Variants in TRAF3 observed in about 807,000 individuals in gnomAD.
TRAF3 encodes the protein TNF receptor-associated factor 3.
Under a neutral mutation model 62.3 loss-of-function variants are expected in TRAF3, and 13 were observed. The ratio of observed to expected loss-of-function variants is 0.21; its 90% CI spans 0.14 to 0.33. The LOEUF is 0.33. TRAF3 is among the 10% of genes least tolerant of loss of function. The pLI is 1.00. For missense variants in TRAF3, 440 were observed against 741.8 expected (o/e 0.59, Z 4.73); for synonymous variants, 269 against 283.4 (o/e 0.95, Z 0.51).
chr14:102,858,814 T>A lies in TRAF3; in HGVS notation c.-17-11371T>A, dbSNP rs1490492382. On this transcript the variant is annotated intron_variant, in intron 2 of 11. Transcript: ENST00000392745. The stretch of plus-strand genomic sequence containing the variant: ...CCATTTCATATTTGACAGTGCTTCC[T>A]GTATGATTTTTATACCAAATAAGCC... Among the ~76,000 whole-genome samples, 2 of 152,248 alleles carry A rather than the reference T, an allele frequency of 1.3e-5. 1 individual carries two copies. Among genetic ancestry groups the A allele is most frequent in the East Asian group, 3.8e-4 (2 of 5,200 alleles).
intron 1 of TRAF3, among the ~76,000 whole-genome samples, chr14:102,812,686 G>C (rs1450494415): frequency 6.6e-6 from 1 of 152,096 alleles, no homozygotes; most frequent in Non-Finnish European, 1.5e-5. Context: ...TTGGGAGGCC[G>C]AGGGGGGCGG....
At chr14:102,905,175 A>T in intron 11 of TRAF3, 38 bp from the exon 12 acceptor site, 1 of 1,590,270 alleles carries the variant, frequency 6.3e-7, no homozygotes, top group Non-Finnish European at 8.6e-7. Context: ...TCTGACGTTC[A>T]CCTGTCTCAT....
chr14:102,866,117 T>C (rs1350419938), intron 2 of TRAF3, among the ~76,000 whole-genome samples: 3 of 152,214 alleles, frequency 2.0e-5, no homozygotes, highest in Non-Finnish European at 2.9e-5. Context: ...AATGAGTTCA[T>C]GACCTTTGCA....
intron 2 of TRAF3, among the ~76,000 whole-genome samples, chr14:102,856,993 A>C (rs1476579587): frequency 6.6e-6 from 1 of 152,248 alleles, no homozygotes; most frequent in Non-Finnish European, 1.5e-5. Flanking sequence ...CTGCATTCCT[A>C]CACAAAGAGT....
intron 1 of TRAF3, 45 bp downstream of exon 1, chr14:102,777,720 GCGCCTCCATCCCCGT>G (rs1241699900): frequency 6.9e-6 from 1 of 144,990 alleles, no homozygotes; most frequent in Admixed American, 6.8e-5. Context: ...GCGCGGCCGG[GCGCCTCCATCCCCGT>G]CGCCTCCATC....
At chr14:102,816,702 AG>A (rs1477994006) in intron 1 of TRAF3, among the ~76,000 whole-genome samples, 1 of 152,150 alleles carries the variant, frequency 6.6e-6, no homozygotes, top group African/African-American at 2.4e-5. Flanking sequence ...TGATTGTGGC[AG>A]TTTCTTGATT....
chr14:102,839,748 A>G (rs1464085702), intron 2 of TRAF3, among the ~76,000 whole-genome samples: 2 of 152,206 alleles, frequency 1.3e-5, no homozygotes, highest in African/African-American at 2.4e-5. Flanking sequence ...TTCTCATAGT[A>G]TCTTCCTGTC....
At chr14:102,814,536 C>G (rs923443810) in intron 1 of TRAF3, among the ~76,000 whole-genome samples, 4 of 151,992 alleles carry the variant, frequency 2.6e-5, no homozygotes, top group African/African-American at 4.8e-5. Flanking sequence ...TTTTTCCCCC[C>G]CAAGACAGGG....
At chr14:102,810,313 C>T (rs1018016864) in intron 1 of TRAF3, among the ~76,000 whole-genome samples, 1 of 152,038 alleles carries the variant, frequency 6.6e-6, no homozygotes, top group African/African-American at 2.4e-5. Context: ...CCAGTGCAGT[C>T]GGCTCTGGTG....
intron 1 of TRAF3, among the ~76,000 whole-genome samples, chr14:102,778,708 CATT>C (rs1306981130): frequency 1.3e-5 from 2 of 152,092 alleles, no homozygotes; most frequent in East Asian, 1.9e-4. Context: ...GAAGAGGAGC[CATT>C]ATTTATTTTT....
intron 2 of TRAF3, 144 bp from the exon 3 acceptor site, chr14:102,870,037 GTTCC>G (rs1888241088): frequency 1.1e-6 from 1 of 884,618 alleles, no homozygotes. Context: ...ATCATGTTTT[GTTCC>G]CAACACATAT....
At chr14:102,779,391 C>A (rs1011853209) in intron 1 of TRAF3, among the ~76,000 whole-genome samples, 1 of 148,542 alleles carries the variant, frequency 6.7e-6, no homozygotes, top group Non-Finnish European at 1.5e-5. Context: ...AAGATGGCTT[C>A]ACTCAGTGAG....
At chr14:102,805,239 C>G (rs1898697757) in intron 1 of TRAF3, among the ~76,000 whole-genome samples, 1 of 152,180 alleles carries the variant, frequency 6.6e-6, no homozygotes, top group Non-Finnish European at 1.5e-5. Flanking sequence ...CCAGGAGATT[C>G]ACTGGATGCT....
chr14:102,884,477 A>C (rs1889247845), intron 6 of TRAF3, among the ~76,000 whole-genome samples: 2 of 152,218 alleles, frequency 1.3e-5, no homozygotes, highest in South Asian at 4.1e-4. Context: ...GAAAAGAAAT[A>C]GAAATGATTA....
intron 11 of TRAF3, chr14:102,904,004 C>T (rs1312772400): frequency 3.1e-5 from 11 of 358,760 alleles, no homozygotes; most frequent in Non-Finnish European, 5.5e-5. Flanking sequence ...GAGAGGGGAG[C>T]AGCTTCGCCT....
intron 10 of TRAF3, among the ~76,000 whole-genome samples, chr14:102,900,224 C>T (rs923692874): frequency 7.5e-5 from 11 of 145,706 alleles, no homozygotes; most frequent in African/African-American, 8.0e-5. Flanking sequence ...GCCGGTAGGC[C>T]GGACACGGTG....
intron 2 of TRAF3, among the ~76,000 whole-genome samples, chr14:102,840,179 A>C (rs926426103): frequency 6.6e-6 from 1 of 152,190 alleles, no homozygotes; most frequent in African/African-American, 2.4e-5. Flanking sequence ...CAGTGCTTTA[A>C]AAAAATCAAA....
chr14:102,871,258 C>T (rs1443200887), intron 3 of TRAF3, among the ~76,000 whole-genome samples: 5 of 152,258 alleles, frequency 3.3e-5, no homozygotes, highest in African/African-American at 4.8e-5. Context: ...CCATGCTTCC[C>T]TCTGTGGTCT....
chr14:102,777,686 G>C lies in TRAF3; in HGVS notation c.-157+11G>C, dbSNP rs1897068784. On this transcript the variant is annotated intron_variant, in intron 1 of 11. Coordinates refer to ENST00000392745, the MANE Select transcript of TRAF3 (RefSeq NM_145725.3). The stretch of plus-strand genomic sequence containing the variant: ...GCGACGGACCGCGAGGTAAGGGGCC[G>C]CGGCGGGCGGGCGGGCCTCCGGCGC... 2 of 144,164 alleles carry C rather than the reference G, an allele frequency of 1.4e-5. No individual in the cohort carries two copies. The highest frequency in any genetic ancestry group is 5.0e-5 in the African/African-American group (2 of 40,202). 8.9% of individuals were successfully genotyped at this position (144,164 alleles called of 1,614,324 possible).
Sources: allele counts gnomAD v4.1 joint callset (sites outside exome capture counted in the v4.1 genomes callset), GRCh38; gene constraint gnomAD v4.1.1; transcripts MANE v1.5; gene names NCBI Gene and HGNC (gene_info 2026-07-23, HGNC 2026-07-21).